PLB1: variants seen among roughly 807,000 people sequenced by gnomAD.
PLB1 encodes the protein phospholipase B1, also known as phospholipase B1, membrane-associated.
A neutral mutation model predicts 227.4 loss-of-function variants in PLB1; 242 were observed. That is an observed-to-expected ratio of 1.06 (90% confidence interval 0.96 to 1.18). The LOEUF (loss-of-function observed/expected upper bound fraction) is 1.18. PLB1 is among the 50% of genes most tolerant of loss of function. The probability of loss-of-function intolerance (pLI) is 0.00; values close to 1 mark genes in which losing one functional copy is unlikely to be tolerated. For missense variants in PLB1, 1,858 were observed against 1,816.3 expected, an observed-to-expected ratio of 1.02 and a Z score of -0.42; for synonymous variants, 757 against 682.2, an observed-to-expected ratio of 1.11 and a Z score of -1.71.
intron 17 of PLB1, among the ~76,000 whole-genome samples, chr2:28,554,489 C>CTTTTTTTT (rs536476788): frequency 0.013 from 1,130 of 85,264 alleles, 113 homozygotes; most frequent in African/African-American, 0.019. Flanking sequence ...CCACACCTGC[C>CTTTTTTTT]TTTTTTTTTT....
chr2:28,643,339 T>C lies in PLB1; in HGVS notation c.*278T>C, dbSNP rs903084580. The C allele has an allele frequency of 5.7e-5, 17 of 296,108 alleles. No homozygotes were observed. Among genetic ancestry groups the C allele is most frequent in the Non-Finnish European group, 8.1e-5 (13 of 160,438 alleles). 18.3% of individuals were successfully genotyped at this position (296,108 alleles called of 1,614,324 possible). ...AGCCCAGGTGTGGGAGCTGCCACTT[T>C]TTGTGGCCTGCCTCCAGCAGGGCTG... On this transcript the variant is annotated 3_prime_UTR_variant, in exon 58 of 58. Transcript: ENST00000327757.
At chr2:28,513,682 A>G (rs1307444290) in intron 1 of PLB1, among the ~76,000 whole-genome samples, 1 of 152,226 alleles carries the variant, frequency 6.6e-6, no homozygotes, top group African/African-American at 2.4e-5. Flanking sequence ...CATACACACC[A>G]CACAGAGAGT....
rs370557037 is a variant in PLB1, at chr2:28,567,528, G to C, written c.1324+689G>C. ...CACTCTGTTGCCAGGCTGGAGTGCAGAGTGGCGCCATCTCAGCTCATTGCA... is the reference window on the plus strand; with the variant it reads ...CACTCTGTTGCCAGGCTGGAGTGCACAGTGGCGCCATCTCAGCTCATTGCA... On this transcript the variant is annotated intron_variant, in intron 20 of 57. Coordinates refer to ENST00000327757, the MANE Select transcript of PLB1 (RefSeq NM_153021.5). Among the ~76,000 whole-genome samples, 124 of 131,662 alleles carry C rather than the reference G, an allele frequency of 9.4e-4. 3 individuals are homozygous for C. The highest frequency in any genetic ancestry group is 3.5e-3 in the African/African-American group (123 of 34,992). The allele number at this position is 131,662 out of a possible 152,430, so 86.4% of individuals were successfully genotyped here. A position where few individuals can be genotyped will look rare whatever the true frequency, so the allele number is the denominator to read the frequency against.
At chr2:28,515,277 C>T (rs1302427372) in intron 1 of PLB1, among the ~76,000 whole-genome samples, 1 of 152,212 alleles carries the variant, frequency 6.6e-6, no homozygotes. Flanking sequence ...CTGGTCACAG[C>T]TCCCTGTTGC....
rs748431461 is a variant in PLB1, at chr2:28,614,025, T to C, written c.3130-6T>C. On this transcript the variant is annotated splice_polypyrimidine_tract_variant and splice_region_variant and intron_variant, in intron 43 of 57. Coordinates refer to ENST00000327757, the MANE Select transcript of PLB1 (RefSeq NM_153021.5). ...TAACTTCTCCATGTGTTTTTTTTTC[T>C]CTTAGAATGAGCCCTTCCTGAGAAC... The C allele has an allele frequency of 1.2e-6, 2 of 1,607,042 alleles. No individual in the cohort carries two copies. Among genetic ancestry groups the C allele is most frequent in the Non-Finnish European group, 1.7e-6 (2 of 1,173,660 alleles).
intron 1 of PLB1, among the ~76,000 whole-genome samples, chr2:28,513,248 C>T (rs1668479579): frequency 6.6e-6 from 1 of 152,108 alleles, no homozygotes; most frequent in South Asian, 2.1e-4. Context: ...ATAGGTTTTC[C>T]TTTTGCTTTT....
At chr2:28,530,550 A>G (rs1366386611) in intron 8 of PLB1, among the ~76,000 whole-genome samples, 1 of 151,960 alleles carries the variant, frequency 6.6e-6, no homozygotes, top group Non-Finnish European at 1.5e-5. Flanking sequence ...GGCCTCTGTC[A>G]CATACATGCT....
At chr2:28,528,310 G>A (rs1307741217) in intron 6 of PLB1, among the ~76,000 whole-genome samples, 1 of 152,186 alleles carries the variant, frequency 6.6e-6, no homozygotes, top group Non-Finnish European at 1.5e-5. Context: ...GGGGAGGAGT[G>A]GAGGCATCTG....
chr2:28,621,889 G>GT (rs1687104661), intron 49 of PLB1, among the ~76,000 whole-genome samples: 1 of 151,956 alleles, frequency 6.6e-6, no homozygotes, highest in South Asian at 2.1e-4. Context: ...TGTTGTTCTT[G>GT]TACAGTACAG....
chr2:28,550,687 C>G (rs182941590), intron 16 of PLB1, among the ~76,000 whole-genome samples: 1 of 151,698 alleles, frequency 6.6e-6, no homozygotes, highest in Non-Finnish European at 1.5e-5. Flanking sequence ...ATTATAGGCG[C>G]GCAACACCAC....
At chr2:28,515,312 G>A (rs373184310) in intron 1 of PLB1, among the ~76,000 whole-genome samples, 4 of 152,070 alleles carry the variant, frequency 2.6e-5, no homozygotes, top group South Asian at 4.1e-4. Context: ...GGCATTTGTG[G>A]CTCCCCAGCC....
At position 28,552,996 on chromosome 2, in the gene PLB1, A is replaced by G. The variant is rs777682117; in HGVS notation, c.1147+5A>G. The stretch of plus-strand genomic sequence containing the variant: ...CCGATACGGTTCCCACCTCAGGTAC[A>G]CAGCTTGCACCCAGTGATTTTAAAA... On this transcript the variant is annotated splice_donor_5th_base_variant and intron_variant, in intron 17 of 57. Transcript: ENST00000327757. 3 of 1,612,266 alleles carry G rather than the reference A, an allele frequency of 1.9e-6. No individual in the cohort carries two copies. Among genetic ancestry groups the G allele is most frequent in the South Asian group, 2.2e-5 (2 of 91,050 alleles).
chr2:28,538,886 A>T (rs1409524711), intron 10 of PLB1, among the ~76,000 whole-genome samples: 1 of 151,970 alleles, frequency 6.6e-6, no homozygotes, highest in Non-Finnish European at 1.5e-5. Flanking sequence ...ACCGTGAGGG[A>T]CAGAGAGTCC....
intron 20 of PLB1, among the ~76,000 whole-genome samples, chr2:28,571,390 G>A (rs769741474): frequency 1.3e-4 from 20 of 152,014 alleles, no homozygotes; most frequent in Non-Finnish European, 2.6e-4. Context: ...ATCAATCTAC[G>A]GATTCAATGT....
At chr2:28,526,673 C>A (rs1347663304) in intron 6 of PLB1, among the ~76,000 whole-genome samples, 1 of 152,052 alleles carries the variant, frequency 6.6e-6, no homozygotes, top group African/African-American at 2.4e-5. Context: ...TAAGGGAAAC[C>A]ACTTCGCCGT....
intron 53 of PLB1, among the ~76,000 whole-genome samples, chr2:28,629,813 A>C (rs1688343926): frequency 6.6e-6 from 1 of 152,126 alleles, no homozygotes; most frequent in Non-Finnish European, 1.5e-5. Flanking sequence ...CGGGGGCTGG[A>C]AGTCATTAAA....
intron 41 of PLB1, 78 bp downstream of exon 41, chr2:28,604,837 C>A: frequency 1.5e-6 from 2 of 1,312,932 alleles, no homozygotes; most frequent in African/African-American, 1.5e-5. Flanking sequence ...CTTCCACGAG[C>A]ATGTGCATAA....
chr2:28,534,485 T>G (rs980416225), intron 9 of PLB1, among the ~76,000 whole-genome samples: 4 of 152,172 alleles, frequency 2.6e-5, no homozygotes, highest in Admixed American at 2.6e-4. Flanking sequence ...GTTCATGAGA[T>G]TTTTGCATCA....
chr2:28,585,532 C>T (rs904592588), intron 25 of PLB1: 4 of 456,810 alleles, frequency 8.8e-6, no homozygotes, highest in Non-Finnish European at 1.6e-5. Flanking sequence ...CCACCTCGGC[C>T]CACCAAAGTG....
Sources: gnomAD v4.1 joint callset for allele counts (sites outside exome capture counted in the v4.1 genomes callset) on GRCh38, gnomAD v4.1.1 for gene constraint, MANE v1.5 for transcripts, NCBI Gene and HGNC (gene_info 2026-07-23, HGNC 2026-07-21) for gene names.